The following CAMK1D variants were observed in gnomAD, a reference collection of about 807,000 sequenced individuals.
The protein encoded by CAMK1D is calcium/calmodulin-dependent protein kinase type 1D.
CAMK1D carries 9 observed loss-of-function variants against 47.7 expected under a neutral mutation model. The ratio of observed to expected loss-of-function variants is 0.19; its 90% CI spans 0.11 to 0.33. The LOEUF is 0.33. Ranked by LOEUF, CAMK1D falls within the 10% of genes least tolerant of loss-of-function variation. The probability of loss-of-function intolerance (pLI) is 1.00; values close to 1 mark genes in which losing one functional copy is unlikely to be tolerated. For synonymous variants in CAMK1D, 184 were observed against 184.9 expected (o/e 0.99, Z 0.04); for missense variants, 291 against 488.7 (o/e 0.60, Z 3.81).
chr10:12,823,182 T>G (rs968480180), intron 8 of CAMK1D, among the ~76,000 whole-genome samples: 1 of 152,228 alleles, frequency 6.6e-6, no homozygotes, highest in African/African-American at 2.4e-5. Flanking sequence ...AAGTGATGGT[T>G]GCCGTGTCTG....
intron 1 of CAMK1D, among the ~76,000 whole-genome samples, chr10:12,545,482 A>G (rs1451240084): frequency 6.9e-6 from 1 of 144,966 alleles, no homozygotes; most frequent in East Asian, 2.1e-4. Flanking sequence ...AAAAAGGAGG[A>G]AATATACCAT....
At chr10:12,437,656 T>A (rs2399858) in intron 1 of CAMK1D, among the ~76,000 whole-genome samples, 1 of 151,958 alleles carries the variant, frequency 6.6e-6, no homozygotes, top group Non-Finnish European at 1.5e-5. Flanking sequence ...GAACCCACAA[T>A]GACACGTCAC....
intron 2 of CAMK1D, among the ~76,000 whole-genome samples, chr10:12,590,322 A>T (rs1356041376): frequency 6.6e-6 from 1 of 151,960 alleles, no homozygotes; most frequent in Non-Finnish European, 1.5e-5. Flanking sequence ...GGCTCAAGCG[A>T]TCCTCCTACC....
intron 2 of CAMK1D, among the ~76,000 whole-genome samples, chr10:12,599,518 T>C (rs1398095823): frequency 6.6e-6 from 1 of 152,184 alleles, no homozygotes; most frequent in African/African-American, 2.4e-5. Flanking sequence ...AGACATAAAG[T>C]AAGAAGAAAA....
At chr10:12,699,033 G>T (rs1257092210) in intron 3 of CAMK1D, among the ~76,000 whole-genome samples, 2 of 152,026 alleles carry the variant, frequency 1.3e-5, no homozygotes. Context: ...AATCAGAGCT[G>T]TAAGGGGGAT....
At chr10:12,480,333 G>C (rs1421654659) in intron 1 of CAMK1D, among the ~76,000 whole-genome samples, 1 of 152,038 alleles carries the variant, frequency 6.6e-6, no homozygotes, top group Non-Finnish European at 1.5e-5. Flanking sequence ...TACTCGGGAG[G>C]CTGAGGCAGG....
intron 1 of CAMK1D, among the ~76,000 whole-genome samples, chr10:12,543,083 T>A (rs1011117728): frequency 6.6e-6 from 1 of 152,194 alleles, no homozygotes; most frequent in Non-Finnish European, 1.5e-5. Context: ...AGTCTTGCTC[T>A]GTCACCCAGG....
At chr10:12,561,656 G>A (rs376761783) in intron 2 of CAMK1D, among the ~76,000 whole-genome samples, 29 of 152,154 alleles carry the variant, frequency 1.9e-4, no homozygotes, top group African/African-American at 6.8e-4. Context: ...CATCCTAACT[G>A]TGCATGTCTG....
chr10:12,503,105 T>C (rs1316356324), intron 1 of CAMK1D, among the ~76,000 whole-genome samples: 1 of 152,230 alleles, frequency 6.6e-6, no homozygotes, highest in Non-Finnish European at 1.5e-5. Context: ...TATGCAAGCA[T>C]GTACCTACGT....
intron 2 of CAMK1D, among the ~76,000 whole-genome samples, chr10:12,652,959 C>CT (rs1430217885): frequency 6.6e-6 from 1 of 152,186 alleles, no homozygotes; most frequent in Non-Finnish European, 1.5e-5. Context: ...TTTTCTATAA[C>CT]TTATAACAAA....
rs142839558 is a variant in CAMK1D at position 12,742,731 on chromosome 10, T to G, written c.300-18217T>G. Among the ~76,000 whole-genome samples, 499 of 152,320 alleles carry G rather than the reference T, an allele frequency of 3.3e-3. 9 individuals are homozygous for G. In the Middle Eastern group the frequency reaches 0.034, roughly 10 times the overall value. ...ATTTGAGATCACATCATAGAAGATC[T>G]TGGGAGATGTAACTAACTAAAAGCT... On this transcript the variant is annotated intron_variant, in intron 3 of 10. Coordinates refer to ENST00000619168, the MANE Select transcript of CAMK1D (RefSeq NM_153498.4).
intron 1 of CAMK1D, among the ~76,000 whole-genome samples, chr10:12,358,586 C>T (rs1464439280): frequency 1.3e-5 from 2 of 152,030 alleles, no homozygotes; most frequent in Non-Finnish European, 2.9e-5. Context: ...GAACACTGAA[C>T]CTTGAGAGCA....
chr10:12,723,311 C>T (rs1014373630), intron 3 of CAMK1D, among the ~76,000 whole-genome samples: 2 of 152,134 alleles, frequency 1.3e-5, no homozygotes, highest in Non-Finnish European at 2.9e-5. Flanking sequence ...CTGACCTCTT[C>T]CATGTAACAG....
chr10:12,489,443 A>G (rs1834314231), intron 1 of CAMK1D, among the ~76,000 whole-genome samples: 1 of 152,190 alleles, frequency 6.6e-6, no homozygotes, highest in Non-Finnish European at 1.5e-5. Flanking sequence ...AAGACTAAAA[A>G]GTGTCCCTTG....
At chr10:12,552,790 G>A (rs1316334329) in intron 1 of CAMK1D, among the ~76,000 whole-genome samples, 2 of 152,110 alleles carry the variant, frequency 1.3e-5, no homozygotes, top group African/African-American at 4.8e-5. Context: ...CGCCCAGGCT[G>A]GAGTGCAGCG....
intron 2 of CAMK1D, among the ~76,000 whole-genome samples, chr10:12,560,177 G>A (rs1017100235): frequency 6.6e-6 from 1 of 152,156 alleles, no homozygotes; most frequent in Non-Finnish European, 1.5e-5. Context: ...TCTGAAGGGA[G>A]GCTGGCCCTG....
At chr10:12,756,362 A>G (rs565770677) in intron 3 of CAMK1D, among the ~76,000 whole-genome samples, 14 of 152,364 alleles carry the variant, frequency 9.2e-5, no homozygotes, top group African/African-American at 3.4e-4. Flanking sequence ...AGGACTAACA[A>G]GGGATACATT....
At chr10:12,646,285 TG>T (rs1263836730) in intron 2 of CAMK1D, among the ~76,000 whole-genome samples, 2 of 152,232 alleles carry the variant, frequency 1.3e-5, no homozygotes, top group African/African-American at 4.8e-5. Flanking sequence ...CTCACTTCTA[TG>T]GCTCCAAAGA....
intron 2 of CAMK1D, among the ~76,000 whole-genome samples, chr10:12,654,148 C>G (rs10906196): frequency 1.3e-5 from 2 of 152,150 alleles, no homozygotes; most frequent in Non-Finnish European, 2.9e-5. Context: ...TCAAGCCCAG[C>G]GTCTTCAATC....
Sources: allele counts gnomAD v4.1 joint callset (sites outside exome capture counted in the v4.1 genomes callset), GRCh38; gene constraint gnomAD v4.1.1; transcripts MANE v1.5; gene names NCBI Gene and HGNC (gene_info 2026-07-23, HGNC 2026-07-21).